EMX1: variants seen among roughly 807,000 people sequenced by gnomAD.
EMX1 encodes empty spiracles homeobox 1.
A neutral mutation model predicts 20.1 loss-of-function variants in EMX1; 10 were observed. The ratio of observed to expected loss-of-function variants is 0.50; its 90% confidence interval spans 0.31 to 0.84. The LOEUF (loss-of-function observed/expected upper bound fraction) is 0.84. Ranked by LOEUF, EMX1 falls within the 40% of genes least tolerant of loss-of-function variation. The pLI is 0.05. For missense variants in EMX1, 424 were observed against 431.9 expected (o/e 0.98, Z 0.16); for synonymous variants, 250 against 200.4 (o/e 1.25, Z -2.09).
At position 72,930,597 on chromosome 2, in the gene EMX1, G is replaced by A. The variant is rs1224216847; in HGVS notation, c.706-3190G>A. 2.0e-5 allele frequency among the ~76,000 whole-genome samples: 3 copies of A among 152,144 alleles called. No individual in the cohort carries two copies. Among genetic ancestry groups the A allele is most frequent in the African/African-American group, 7.2e-5 (3 of 41,408 alleles). Reference sequence around the variant, plus strand: ...TACCTCGGGGCTTAGAGAGAGGTGAGTAGTGTGTTTGTGTTGGGGATGGGG... The same window carrying A: ...TACCTCGGGGCTTAGAGAGAGGTGAATAGTGTGTTTGTGTTGGGGATGGGG... On this transcript the variant is annotated intron_variant, in intron 2 of 2. Transcript: ENST00000258106. The surrounding 1 kb of genome is among the most constrained non-coding windows in gnomAD (Gnocchi z 4.4).
intron 1 of EMX1, among the ~76,000 whole-genome samples, chr2:72,922,950 A>G (rs1244330623): frequency 1.3e-5 from 2 of 152,206 alleles, no homozygotes; most frequent in Admixed American, 1.3e-4. Flanking sequence ...AAAATAATCC[A>G]TCTAGGGTTC....
At chr2:72,916,789 C>A, upstream of EMX1, 1 of 717,290 alleles carries the variant, frequency 1.4e-6, no homozygotes, top group Non-Finnish European at 2.6e-6. Context: ...TCAGAGAAGG[C>A]GAGGGGGTGG....
chr2:72,925,983 A>G, intron 2 of EMX1: 1 of 985,314 alleles, frequency 1.0e-6, no homozygotes, highest in Non-Finnish European at 1.2e-6. Flanking sequence ...AAAATAAGTT[A>G]ATAAAATAAC....
intron 2 of EMX1, among the ~76,000 whole-genome samples, chr2:72,928,069 G>A (rs541252803): frequency 3.3e-5 from 5 of 152,240 alleles, no homozygotes; most frequent in Non-Finnish European, 7.3e-5. Context: ...CTTTAGCCGG[G>A]TGCTAGGAGG....
chr2:72,927,461 C>T (rs1164853945), intron 2 of EMX1, among the ~76,000 whole-genome samples: 1 of 152,214 alleles, frequency 6.6e-6, no homozygotes, highest in Non-Finnish European at 1.5e-5. Flanking sequence ...TATACTACCT[C>T]CTCCACATTC....
At chr2:72,917,235 G>A (rs1670979574), upstream of EMX1, among the ~76,000 whole-genome samples, 1 of 152,236 alleles carries the variant, frequency 6.6e-6, no homozygotes, top group East Asian at 1.9e-4. Flanking sequence ...GGGGAGGGGA[G>A]GGTTGGAGTT....
chr2:72,920,415 C>T (rs928215672), intron 1 of EMX1, among the ~76,000 whole-genome samples: 1 of 152,220 alleles, frequency 6.6e-6, no homozygotes, highest in African/African-American at 2.4e-5. Flanking sequence ...ATCCGTTGGG[C>T]ACTGAAGGAC....
chr2:72,916,626 A>G, upstream of EMX1: 1 of 686,064 alleles, frequency 1.5e-6, no homozygotes, highest in Non-Finnish European at 2.7e-6. Context: ...TGGAAGGTGA[A>G]GGTCGAGGGA....
At chr2:72,918,431 C>G in intron 1 of EMX1, 59 bp downstream of exon 1, 5 of 1,342,540 alleles carry the variant, frequency 3.7e-6, no homozygotes, top group Non-Finnish European at 4.8e-6. Flanking sequence ...TGCGGCGATG[C>G]GGGGGAGGCT....
At position 72,934,180 on chromosome 2, in the gene EMX1, T is replaced by TGGGC. The variant is rs887850643; in HGVS notation, c.*231_*234dup. On this transcript the variant is annotated 3_prime_UTR_variant, in exon 3 of 3. Coordinates refer to ENST00000258106, the MANE Select transcript of EMX1 (RefSeq NM_004097.3). ...CTTCTCCTCGGAGAGCCTGCCTGCC[T>TGGGC]GGGCGGGCCCGCCCGCCACCGCAGC... The TGGGC allele has an allele frequency of 5.2e-6, 3 of 571,446 alleles. No individual in the cohort carries two copies. Among genetic ancestry groups the TGGGC allele is most frequent in the South Asian group, 2.6e-5 (1 of 38,268 alleles). 35.4% of individuals were successfully genotyped at this position (571,446 alleles called of 1,614,324 possible).
intron 2 of EMX1, among the ~76,000 whole-genome samples, chr2:72,925,174 T>C (rs1671175541): frequency 6.6e-6 from 1 of 152,038 alleles, no homozygotes; most frequent in Admixed American, 6.5e-5. Flanking sequence ...TGGTGGGAAA[T>C]AGACCCCGGG....
intron 2 of EMX1, among the ~76,000 whole-genome samples, chr2:72,931,335 A>C (rs562683933): frequency 3.9e-4 from 60 of 152,366 alleles, no homozygotes; most frequent in African/African-American, 1.4e-3. Flanking sequence ...CCTGAAGGAC[A>C]CTTGGAAATG....
At position 72,917,695 on chromosome 2, in the gene EMX1, C is replaced by A; in HGVS notation, c.-158C>A. 1 of 631,618 alleles carries A rather than the reference C, an allele frequency of 1.6e-6. No individual in the cohort carries two copies. The highest frequency in any genetic ancestry group is 2.1e-6 in the Non-Finnish European group (1 of 468,418). 39.1% of individuals were successfully genotyped at this position (631,618 alleles called of 1,614,324 possible). ...GCGCCTGTGCGGGCGCCTGGAGCTGCCCGCTCCGCCGCAGCAGCCGCCGCG... is the reference window on the plus strand; with the variant it reads ...GCGCCTGTGCGGGCGCCTGGAGCTGACCGCTCCGCCGCAGCAGCCGCCGCG... On this transcript the variant is annotated 5_prime_UTR_variant, in exon 1 of 3. Transcript: ENST00000258106.
At chr2:72,919,220 T>C (rs1671057335) in intron 1 of EMX1, among the ~76,000 whole-genome samples, 1 of 129,940 alleles carries the variant, frequency 7.7e-6, no homozygotes, top group Non-Finnish European at 1.6e-5. Context: ...CACACACACG[T>C]TTCAATTATT....
At chr2:72,925,867 A>C (rs1671192647) in intron 2 of EMX1, 1 of 985,302 alleles carries the variant, frequency 1.0e-6, no homozygotes, top group South Asian at 4.7e-5. Flanking sequence ...CGGAGGCAGG[A>C]CCCGTGCGTT....
Position 72,926,234 on chromosome 2 carries a change from T to C in EMX1, c.705+1741T>C, listed in dbSNP as rs1334185299. 3 of 985,312 alleles carry C rather than the reference T, an allele frequency of 3.0e-6. No individual in the cohort carries two copies. The East Asian group carries it at 3.4e-4, about 112-fold the overall frequency. 61.0% of individuals were successfully genotyped at this position (985,312 alleles called of 1,614,324 possible). A position where few individuals can be genotyped will look rare whatever the true frequency, so the allele number is the denominator to read the frequency against. ...CTCAGTGAGAGCATTTTTAATTAACTCTCTTTCAAACTGAACCTAGCTGCC... is the reference window on the plus strand; with the variant it reads ...CTCAGTGAGAGCATTTTTAATTAACCCTCTTTCAAACTGAACCTAGCTGCC... On this transcript the variant is annotated intron_variant, in intron 2 of 2. Transcript: ENST00000258106.
At chr2:72,918,425 G>A in intron 1 of EMX1, 53 bp downstream of exon 1, 1 of 1,355,136 alleles carries the variant, frequency 7.4e-7, no homozygotes, top group Admixed American at 4.0e-5. Context: ...CCGTGCTGCG[G>A]CGATGCGGGG....
intron 2 of EMX1, 43 bp from the exon 3 acceptor site, chr2:72,933,744 G>C (rs768368199): frequency 1.9e-6 from 3 of 1,607,054 alleles, no homozygotes; most frequent in Non-Finnish European, 2.6e-6. Flanking sequence ...TGCTCTGGGG[G>C]CCTCCTGAGT....
At chr2:72,925,653 GAGA>G (rs1573898372) in intron 2 of EMX1, 2 of 1,164,900 alleles carry the variant, frequency 1.7e-6, no homozygotes, top group East Asian at 1.4e-4. Flanking sequence ...CCCGGGCAGT[GAGA>G]AGATGCCCGG....
Sources: gnomAD v4.1 joint callset for allele counts (sites outside exome capture counted in the v4.1 genomes callset) on GRCh38, gnomAD v4.1.1 for gene constraint, Gnocchi (gnomAD v3.1) non-coding constraint, MANE v1.5 for transcripts, NCBI Gene and HGNC (gene_info 2026-07-23, HGNC 2026-07-21) for gene names.